LRRTM4: variants seen among roughly 807,000 people sequenced by gnomAD.
LRRTM4 encodes the protein leucine rich repeat transmembrane neuronal 4.
LRRTM4 carries 25 observed loss-of-function variants against 47.6 expected under a neutral mutation model. The ratio of observed to expected loss-of-function variants is 0.53; its 90% CI spans 0.38 to 0.73. LRRTM4 has a LOEUF of 0.73. Ranked by LOEUF, LRRTM4 falls within the 30% of genes least tolerant of loss-of-function variation. The pLI, the probability that LRRTM4 is intolerant of heterozygous loss-of-function variation, is 0.00. For synonymous variants in LRRTM4, 311 were observed against 269.5 expected, an observed-to-expected ratio of 1.15 and a Z score of -1.51; for missense variants, 638 against 713.4, an observed-to-expected ratio of 0.89 and a Z score of 1.20.
At chr2:76,754,903 T>C (rs1672974213) in intron 3 of LRRTM4, among the ~76,000 whole-genome samples, 2 of 152,064 alleles carry the variant, frequency 1.3e-5, no homozygotes, top group South Asian at 4.2e-4. Context: ...TCACGGGAGC[T>C]CATCACAAGC....
At chr2:76,796,543 C>G (rs555814851) in intron 3 of LRRTM4, among the ~76,000 whole-genome samples, 1 of 125,494 alleles carries the variant, frequency 8.0e-6, no homozygotes, top group Non-Finnish European at 1.6e-5. Context: ...CCCCCAAGCA[C>G]GGGCACACTG....
chr2:76,895,929 A>C (rs894788850), intron 3 of LRRTM4, among the ~76,000 whole-genome samples: 1 of 151,988 alleles, frequency 6.6e-6, no homozygotes, highest in East Asian at 1.9e-4. Context: ...AAGGTGGTGG[A>C]ACCTCACTGG....
intron 3 of LRRTM4, among the ~76,000 whole-genome samples, chr2:77,303,198 T>C (rs1677178354): frequency 6.6e-6 from 1 of 151,904 alleles, no homozygotes; most frequent in Admixed American, 6.6e-5. Flanking sequence ...GAGGCGGAGG[T>C]TGCAGTGAGC....
intron 3 of LRRTM4, among the ~76,000 whole-genome samples, chr2:77,492,303 G>A (rs527427962): frequency 5.3e-5 from 8 of 151,998 alleles, no homozygotes; most frequent in East Asian, 3.9e-4. Context: ...CTCGTCACTC[G>A]GGCTGGAGTG....
chr2:77,258,576 AT>A (rs1469849578), intron 3 of LRRTM4, among the ~76,000 whole-genome samples: 1 of 152,012 alleles, frequency 6.6e-6, no homozygotes, highest in African/African-American at 2.4e-5. Context: ...ATCTGTAATT[AT>A]TTCAAAATTA....
chr2:77,517,993 A>G (rs1679284387), intron 3 of LRRTM4: 2 of 1,049,598 alleles, frequency 1.9e-6, no homozygotes, highest in Non-Finnish European at 2.3e-6. Flanking sequence ...CAGAAATTTC[A>G]GAATGAAAAG....
At chr2:77,463,033 A>C (rs1175342570) in intron 3 of LRRTM4, among the ~76,000 whole-genome samples, 2 of 152,078 alleles carry the variant, frequency 1.3e-5, no homozygotes, top group Admixed American at 6.6e-5. Context: ...TGCCTTGATT[A>C]TCAGTGGAAA....
At chr2:77,447,325 T>C (rs1676091450) in intron 3 of LRRTM4, among the ~76,000 whole-genome samples, 1 of 152,070 alleles carries the variant, frequency 6.6e-6, no homozygotes, top group Non-Finnish European at 1.5e-5. Context: ...AAGACATAGG[T>C]ATATTTATAT....
At chr2:76,895,167 T>A (rs1673372004) in intron 3 of LRRTM4, among the ~76,000 whole-genome samples, 1 of 152,022 alleles carries the variant, frequency 6.6e-6, no homozygotes, top group Admixed American at 6.6e-5. Flanking sequence ...ATTTGTAACT[T>A]ATCTAATATT....
chr2:77,167,312 G>A (rs1484051777), intron 3 of LRRTM4, among the ~76,000 whole-genome samples: 1 of 152,166 alleles, frequency 6.6e-6, no homozygotes, highest in Non-Finnish European at 1.5e-5. Flanking sequence ...ACAGGTGCTG[G>A]AGACGATATG....
chr2:77,264,880 C>T (rs1676011643), intron 3 of LRRTM4, among the ~76,000 whole-genome samples: 1 of 152,072 alleles, frequency 6.6e-6, no homozygotes, highest in African/African-American at 2.4e-5. Flanking sequence ...GGATCTCATT[C>T]AAAATGCTGT....
At chr2:76,970,518 A>G (rs1033565891) in intron 3 of LRRTM4, among the ~76,000 whole-genome samples, 20 of 152,046 alleles carry the variant, frequency 1.3e-4, no homozygotes, top group African/African-American at 4.8e-4. Flanking sequence ...AAATTCAGCA[A>G]CACTTGTGGC....
chr2:77,427,592 CA>C (rs1483649074), intron 3 of LRRTM4, among the ~76,000 whole-genome samples: 1 of 152,062 alleles, frequency 6.6e-6, no homozygotes, highest in African/African-American at 2.4e-5. Context: ...ATGAGTTTTG[CA>C]GATTAATATT....
intron 3 of LRRTM4, among the ~76,000 whole-genome samples, chr2:77,138,374 T>G (rs901932244): frequency 3.3e-5 from 5 of 152,146 alleles, no homozygotes; most frequent in African/African-American, 9.7e-5. Context: ...GAATGACTAC[T>G]GGGTACATAA....
At chr2:76,837,289 C>G (rs540988161) in intron 3 of LRRTM4, among the ~76,000 whole-genome samples, 3 of 152,014 alleles carry the variant, frequency 2.0e-5, no homozygotes, top group Admixed American at 6.6e-5. Context: ...TATTAGTCTT[C>G]GTAGCGGTCT....
At chr2:77,146,354 A>C (rs1672261435) in intron 3 of LRRTM4, among the ~76,000 whole-genome samples, 1 of 152,114 alleles carries the variant, frequency 6.6e-6, no homozygotes, top group Non-Finnish European at 1.5e-5. Flanking sequence ...CCTGCTCTCA[A>C]ATTTTTTCAA....
chr2:77,484,308 AATATGT>A (rs1677830673), intron 3 of LRRTM4, among the ~76,000 whole-genome samples: 1 of 152,162 alleles, frequency 6.6e-6, no homozygotes, highest in Non-Finnish European at 1.5e-5. Flanking sequence ...TGATATATTC[AATATGT>A]TCTCCTTTTT....
At chr2:77,016,230 AC>A (rs1338832395) in intron 3 of LRRTM4, among the ~76,000 whole-genome samples, 37 of 151,906 alleles carry the variant, frequency 2.4e-4, no homozygotes, top group Admixed American at 2.4e-3. Flanking sequence ...TACTAAAAAT[AC>A]AAAAATTAGC....
intron 3 of LRRTM4, among the ~76,000 whole-genome samples, chr2:77,038,300 A>G (rs1678903828): frequency 6.6e-6 from 1 of 151,516 alleles, no homozygotes; most frequent in Non-Finnish European, 1.5e-5. Flanking sequence ...ATAGATTACT[A>G]TTTGCTGTGA....
Sources: gnomAD v4.1 joint callset for allele counts (sites outside exome capture counted in the v4.1 genomes callset) on GRCh38, gnomAD v4.1.1 for gene constraint, MANE v1.5 for transcripts, NCBI Gene and HGNC (gene_info 2026-07-23, HGNC 2026-07-21) for gene names.